The following PDE4D variants were observed in gnomAD, a reference collection of about 807,000 sequenced individuals.
PDE4D encodes phosphodiesterase 4D.
In PDE4D, 24 loss-of-function variants were observed where a neutral mutation model predicts 87.4. The ratio of observed to expected loss-of-function variants is 0.27; its 90% confidence interval spans 0.20 to 0.39. PDE4D has a LOEUF of 0.39. PDE4D is among the 10% of genes least tolerant of loss of function. PDE4D has a pLI of 1.00. For missense variants in PDE4D, 714 were observed against 1,041.0 expected, an observed-to-expected ratio of 0.69 and a Z score of 4.32; for synonymous variants, 384 against 383.2, an observed-to-expected ratio of 1.00 and a Z score of -0.02.
intron 1 of PDE4D, among the ~76,000 whole-genome samples, chr5:59,230,815 T>G (rs1194769504): frequency 6.6e-6 from 1 of 152,164 alleles, no homozygotes; most frequent in Admixed American, 6.5e-5. Context: ...ACAGATGGGT[T>G]TTCTGCCTTA....
intron 1 of PDE4D, chr5:59,430,616 T>C (rs1795969691): frequency 8.0e-6 from 3 of 373,920 alleles, no homozygotes; most frequent in African/African-American, 4.2e-5. Context: ...ATTCTGTTCA[T>C]GGATACAAGA....
At chr5:59,578,633 T>A (rs1380217116) in intron 1 of PDE4D, among the ~76,000 whole-genome samples, 1 of 152,094 alleles carries the variant, frequency 6.6e-6, no homozygotes, top group Admixed American at 6.6e-5. Flanking sequence ...TGTTCCATCA[T>A]CTTACTAAGC....
At position 59,545,113 on chromosome 5, in the gene PDE4D, C is replaced by A. The variant is rs147731281; in HGVS notation, c.456-329145G>T. ...AAAATATAACTATGCCCTAGTTTTA[C>A]CCCTGTATTTTTATTATTTTGTGGG... On this transcript the variant is annotated intron_variant, in intron 1 of 14. Transcript: ENST00000340635. Among the ~76,000 whole-genome samples the A allele has an allele frequency of 3.7e-3, 569 of 152,244 alleles. 7 individuals are homozygous for A. Among genetic ancestry groups the A allele is most frequent in the South Asian group, 0.026 (125 of 4,818 alleles).
intron 1 of PDE4D, among the ~76,000 whole-genome samples, chr5:60,514,421 A>T (rs1357991917): frequency 1.3e-5 from 2 of 152,110 alleles, no homozygotes; most frequent in Admixed American, 1.3e-4. Flanking sequence ...GAACTCTCTT[A>T]CATGTGACAG....
chr5:60,179,555 G>A (rs949917000), intron 2 of PDE4D, among the ~76,000 whole-genome samples: 4 of 151,774 alleles, frequency 2.6e-5, no homozygotes, highest in African/African-American at 9.7e-5. Flanking sequence ...AAAAAATTAT[G>A]CAAGCTATTG....
chr5:60,260,468 A>G (rs965831471), intron 1 of PDE4D, among the ~76,000 whole-genome samples: 2 of 152,148 alleles, frequency 1.3e-5, no homozygotes, highest in South Asian at 4.1e-4. Flanking sequence ...AATACTAGCA[A>G]TGCAAAGAGT....
At position 59,768,197 on chromosome 5, in the gene PDE4D, TC is replaced by T. The variant is rs760395287; in HGVS notation, c.455+124970del. On this transcript the variant is annotated intron_variant, in intron 1 of 14. Transcript: ENST00000340635. The stretch of plus-strand genomic sequence containing the variant: ...AAAATTAAAGGCGCGAGAGCAGGAC[TC>T]CCTGAAGGGAAACGGCCACCATTTC... The T allele has an allele frequency of 1.3e-5, 21 of 1,584,822 alleles. No homozygotes were observed. In the African/African-American group the frequency reaches 2.4e-4, roughly 18 times the overall value.
intron 1 of PDE4D, among the ~76,000 whole-genome samples, chr5:59,709,225 G>A (rs964542235): frequency 3.3e-5 from 5 of 152,112 alleles, no homozygotes; most frequent in African/African-American, 1.2e-4. Flanking sequence ...AAGGAAAAGT[G>A]TTTAATACTT....
intron 1 of PDE4D, among the ~76,000 whole-genome samples, chr5:59,556,747 A>G (rs1239178756): frequency 6.6e-6 from 1 of 152,006 alleles, no homozygotes; most frequent in East Asian, 1.9e-4. Context: ...CTCTTCACCC[A>G]ATTTTCTCTT....
intron 1 of PDE4D, among the ~76,000 whole-genome samples, chr5:59,892,700 C>A (rs565814615): frequency 6.6e-6 from 1 of 152,122 alleles, no homozygotes; most frequent in African/African-American, 2.4e-5. Context: ...AGCAGCCCCA[C>A]CGACCCTCTT....
At chr5:60,357,649 A>C (rs1036162786) in intron 1 of PDE4D, among the ~76,000 whole-genome samples, 4 of 152,188 alleles carry the variant, frequency 2.6e-5, no homozygotes, top group African/African-American at 9.6e-5. Context: ...CTCTCAGTAA[A>C]GTTGAGAACA....
intron 3 of PDE4D, among the ~76,000 whole-genome samples, chr5:59,976,411 G>T (rs771838788): frequency 6.6e-6 from 1 of 152,064 alleles, no homozygotes; most frequent in Non-Finnish European, 1.5e-5. Flanking sequence ...CCTCCCTGTG[G>T]TCATGAGTTA....
chr5:59,202,033 A>ATTTTTTTTTTT (rs10641798), intron 2 of PDE4D, among the ~76,000 whole-genome samples: 2 of 95,258 alleles, frequency 2.1e-5, no homozygotes, highest in Non-Finnish European at 3.7e-5. Context: ...TGTTTTGATC[A>ATTTTTTTTTTT]TTTTTTTTTT....
At chr5:59,375,220 C>A (rs998542196) in intron 1 of PDE4D, among the ~76,000 whole-genome samples, 1 of 152,160 alleles carries the variant, frequency 6.6e-6, no homozygotes, top group South Asian at 2.1e-4. Flanking sequence ...CACAGAAAAC[C>A]ATTCAAAAGA....
chr5:59,190,019 C>T (rs1270355014), intron 3 of PDE4D, among the ~76,000 whole-genome samples: 1 of 152,228 alleles, frequency 6.6e-6, no homozygotes, highest in Non-Finnish European at 1.5e-5. Context: ...AAAGTGCAAT[C>T]TATCTTTGCA....
chr5:59,525,339 A>G (rs932951799), intron 1 of PDE4D, among the ~76,000 whole-genome samples: 7 of 152,234 alleles, frequency 4.6e-5, no homozygotes, highest in Non-Finnish European at 8.8e-5. Flanking sequence ...TGACTGCCCT[A>G]TTGGATTTTG....
At chr5:59,469,723 A>C (rs988140653) in intron 1 of PDE4D, among the ~76,000 whole-genome samples, 1 of 152,240 alleles carries the variant, frequency 6.6e-6, no homozygotes, top group Admixed American at 6.5e-5. Context: ...AACAAAAGAA[A>C]GAGTCCCAAA....
chr5:59,256,762 T>A (rs1038243825), intron 1 of PDE4D, among the ~76,000 whole-genome samples: 3 of 152,072 alleles, frequency 2.0e-5, no homozygotes, highest in Non-Finnish European at 4.4e-5. Context: ...AATGGACATA[T>A]CTGTGCAGAG....
At chr5:59,322,300 T>C (rs1234016306) in intron 1 of PDE4D, among the ~76,000 whole-genome samples, 1 of 152,118 alleles carries the variant, frequency 6.6e-6, no homozygotes, top group African/African-American at 2.4e-5. Flanking sequence ...TGAGGGAACA[T>C]AAACCTCTAG....
Sources: allele counts gnomAD v4.1 joint callset (sites outside exome capture counted in the v4.1 genomes callset), GRCh38; gene constraint gnomAD v4.1.1; transcripts MANE v1.5; gene names NCBI Gene and HGNC (gene_info 2026-07-23, HGNC 2026-07-21).